The following PLXNA1 variants were observed in gnomAD, a reference collection of about 807,000 sequenced individuals.
The protein encoded by PLXNA1 is plexin A1, also known as plexin-A1.
A neutral mutation model predicts 191.7 loss-of-function variants in PLXNA1; 77 were observed. The ratio of observed to expected loss-of-function variants is 0.40; its 90% CI spans 0.33 to 0.49. The LOEUF (loss-of-function observed/expected upper bound fraction) is 0.49, where lower values mean the gene tolerates loss of function less well. PLXNA1 is among the 20% of genes least tolerant of loss of function. The probability of loss-of-function intolerance (pLI) is 0.63; values close to 1 mark genes in which losing one functional copy is unlikely to be tolerated. For missense variants in PLXNA1, 2,110 were observed against 2,660.2 expected (o/e 0.79, Z 4.55); for synonymous variants, 1,137 against 1,156.4 (o/e 0.98, Z 0.34).
chr3:126,988,506 C>A lies in PLXNA1; in HGVS notation c.-73-15C>A. 8.5e-7 allele frequency: 1 copy of A among 1,178,174 alleles called. No individual in the cohort carries two copies. The highest frequency in any genetic ancestry group is 1.2e-6 in the Non-Finnish European group (1 of 864,600). The allele number at this position is 1,178,174 out of a possible 1,614,324, so 73.0% of individuals were successfully genotyped here. A position where few individuals can be genotyped will look rare whatever the true frequency, so the allele number is the denominator to read the frequency against. On this transcript the variant is annotated splice_polypyrimidine_tract_variant and intron_variant, in intron 1 of 31. Coordinates refer to ENST00000393409, the MANE Select transcript of PLXNA1 (RefSeq NM_032242.4). ...CATGCCTGCATTCACATGCCCTCTTCTGCCCCTTCCCCAGGGCTGAAGCTC... is the reference window on the plus strand; with the variant it reads ...CATGCCTGCATTCACATGCCCTCTTATGCCCCTTCCCCAGGGCTGAAGCTC...
chr3:127,014,577 G>T lies in PLXNA1; in HGVS notation c.2704G>T (p.Val902Leu). The T allele has an allele frequency of 6.2e-7, 1 of 1,613,110 alleles. No individual in the cohort carries two copies. Among genetic ancestry groups the T allele is most frequent in the Non-Finnish European group, 8.5e-7 (1 of 1,179,882 alleles). The part of the protein sequence containing the change: ...RFEDVRLGVR[V>L]GKVLCSPVES... ...CGAAGACGTGCGTCTGGGCGTGCGC[G>T]TGGGCAAGGTGCTGTGCAGCCCTGT... Residue 902 changes from valine (V) to leucine (L), a missense_variant, in exon 13 of 32, where the codon GTG (valine) becomes TTG (leucine). Val to Leu is a conservative substitution (Grantham distance 32). Transcript: ENST00000393409.
rs2078974027 is a variant in PLXNA1, at chr3:126,988,752, C to T, written c.159C>T (p.His53=). The T allele has an allele frequency of 6.3e-7, 1 of 1,597,488 alleles. No homozygotes were observed. Among genetic ancestry groups the T allele is most frequent in the Non-Finnish European group, 8.5e-7 (1 of 1,170,466 alleles). Residue 53 remains histidine (H), a synonymous_variant, in exon 2 of 32, where the codon CAC becomes CAT. Coordinates refer to ENST00000393409, the MANE Select transcript of PLXNA1 (RefSeq NM_032242.4). ...TFSASDWGLT[H]LVVHEQTGEV... ...CGGCCAGCGACTGGGGCCTCACCCACCTAGTGGTGCATGAGCAGACAGGCG... is the reference window on the plus strand; with the variant it reads ...CGGCCAGCGACTGGGGCCTCACCCATCTAGTGGTGCATGAGCAGACAGGCG...
chr3:127,014,290 G>A lies in PLXNA1; in HGVS notation c.2519G>A (p.Arg840Gln), dbSNP rs762229287. Residue 840 changes from arginine (R) to glutamine (Q), a missense_variant, in exon 12 of 32, where the codon CGA (arginine) becomes CAA (glutamine). Transcript: ENST00000393409. ...GTGGCCGAGCGCCGCTGCTCCCTGC[G>A]ACACCACTGCGCTGCCGACACACCT... ...WCVAERRCSLRHHCAADTPAS... is the reference protein window; with the variant it reads ...WCVAERRCSLQHHCAADTPAS... The A allele has an allele frequency of 1.6e-5, 26 of 1,595,822 alleles. No homozygotes were observed. The highest frequency in any genetic ancestry group is 1.0e-4 in the South Asian group (9 of 89,620).
At position 127,028,707 on chromosome 3, in the gene PLXNA1, G is replaced by A. The variant is rs568009487; in HGVS notation, c.4670-286G>A. 45 of 543,500 alleles carry A rather than the reference G, an allele frequency of 8.3e-5. No individual in the cohort carries two copies. The Admixed American group carries it at 1.4e-3, about 17-fold the overall frequency. The allele number at this position is 543,500 out of a possible 1,614,324, so 33.7% of individuals were successfully genotyped here. On this transcript the variant is annotated intron_variant, in intron 25 of 31. Coordinates refer to ENST00000393409, the MANE Select transcript of PLXNA1 (RefSeq NM_032242.4). Reference sequence around the variant, plus strand: ...TGCTGCAGATGTGACTGGAGAGGCTGGGTCCCCACAGAAGCCTCGGTGCCA... The same window carrying A: ...TGCTGCAGATGTGACTGGAGAGGCTAGGTCCCCACAGAAGCCTCGGTGCCA...
rs759440943 is a variant in PLXNA1 at position 126,989,557 on chromosome 3, C to G, written c.964C>G (p.Arg322Gly). Residue 322 changes from arginine (R) to glycine (G), a missense_variant, in exon 2 of 32, where the codon CGT (arginine) becomes GGT (glycine). Around this residue, in one of 4 missense-constraint regions of PLXNA1, gnomAD observed 903 missense variants for 1,015.7 expected, o/e 0.89. Transcript: ENST00000393409. ...GGATGCCTACCTGAGCCGGCCCGGC[C>G]GTGCCCTGGCCCACCAGCTGGGCCT... Reference protein sequence around the residue: ...VQDAYLSRPGRALAHQLGLAE... With the variant: ...VQDAYLSRPGGALAHQLGLAE... 6.2e-7 allele frequency: 1 copy of G among 1,613,232 alleles called. No homozygotes were observed. The highest frequency in any genetic ancestry group is 8.5e-7 in the Non-Finnish European group (1 of 1,180,038).
At position 127,004,538 on chromosome 3, in the gene PLXNA1, G is replaced by A. The variant is rs945045885; in HGVS notation, c.1519-73G>A. 8 of 1,015,788 alleles carry A rather than the reference G, an allele frequency of 7.9e-6. No homozygotes were observed. In the African/African-American group the frequency reaches 1.3e-4, roughly 16 times the overall value. The allele number at this position is 1,015,788 out of a possible 1,614,324, so 62.9% of individuals were successfully genotyped here. The stretch of plus-strand genomic sequence containing the variant: ...CCCCGGGCCTAAGGAGAGCAGAGTA[G>A]GGAGTCAGAGGTGAGGATGGTCAAG... On this transcript the variant is annotated intron_variant, in intron 4 of 31. Transcript: ENST00000393409.
intron 20 of PLXNA1, among the ~76,000 whole-genome samples, chr3:127,019,551 G>T (rs2079142596): frequency 6.6e-6 from 1 of 152,208 alleles, no homozygotes; most frequent in Admixed American, 6.5e-5. Context: ...ATAACTAGAC[G>T]CCTGGCAGCG....
At chr3:127,033,006 C>G (rs2079220179) in intron 31 of PLXNA1, among the ~76,000 whole-genome samples, 170 bp downstream of exon 31, 1 of 152,230 alleles carries the variant, frequency 6.6e-6, no homozygotes, top group South Asian at 2.1e-4. Flanking sequence ...CAGGAGGGAG[C>G]CTGCCAGGCC....
chr3:127,008,225 G>A (rs1447274797), intron 9 of PLXNA1, among the ~76,000 whole-genome samples: 1 of 152,158 alleles, frequency 6.6e-6, no homozygotes, highest in Non-Finnish European at 1.5e-5. Flanking sequence ...CCTCTGTGTG[G>A]GGGCTGCAGA....
intron 3 of PLXNA1, among the ~76,000 whole-genome samples, chr3:126,997,914 G>C (rs192931317): frequency 6.6e-6 from 1 of 152,198 alleles, no homozygotes; most frequent in Non-Finnish European, 1.5e-5. Flanking sequence ...GTGTGTGCTC[G>C]GGCTCATGGC....
At chr3:127,033,145 T>C (rs913421474) in intron 31 of PLXNA1, among the ~76,000 whole-genome samples, 1 of 152,160 alleles carries the variant, frequency 6.6e-6, no homozygotes, top group Non-Finnish European at 1.5e-5. Context: ...GAGGGGCTCA[T>C]TTCAGGGTTT....
rs376907808 is a variant in PLXNA1, at chr3:127,015,326, G to A, written c.3014+6G>A. 5.0e-6 allele frequency: 8 copies of A among 1,596,608 alleles called. No homozygotes were observed. The highest frequency in any genetic ancestry group is 2.7e-5 in the African/African-American group (2 of 74,596). ...CGGCCCTGCTCCTTCTCCTGGTACG[G>A]GGTGCAGGTGGGGGTGGGGGCCTGG... On this transcript the variant is annotated splice_donor_region_variant and intron_variant, in intron 15 of 31. Coordinates refer to ENST00000393409, the MANE Select transcript of PLXNA1 (RefSeq NM_032242.4).
intron 2 of PLXNA1, 81 bp from the exon 3 acceptor site, chr3:126,991,303 A>C (rs1576669070): frequency 6.7e-7 from 1 of 1,502,220 alleles, no homozygotes; most frequent in Non-Finnish European, 9.1e-7. Flanking sequence ...AGACAACTGC[A>C]CTCCCAGCCC....
At chr3:127,000,928 C>G (rs1172971068) in intron 3 of PLXNA1, among the ~76,000 whole-genome samples, 1 of 152,186 alleles carries the variant, frequency 6.6e-6, no homozygotes, top group Non-Finnish European at 1.5e-5. Flanking sequence ...ATGGCCTCTC[C>G]TGGGGCTCTG....
rs955661672 is a variant in PLXNA1, at chr3:127,036,346, G to C, written c.*2329G>C. On this transcript the variant is annotated 3_prime_UTR_variant, in exon 32 of 32. Transcript: ENST00000393409. ...CCTTGTCCATGTGAGTAGCATGGGC[G>C]GGTGGTGGGGACGGCAGTGGTGATG... 1 of 152,680 alleles carries C rather than the reference G, an allele frequency of 6.5e-6. No homozygotes were observed. The highest frequency in any genetic ancestry group is 2.4e-5 in the African/African-American group (1 of 41,462). The allele number at this position is 152,680 out of a possible 1,614,324, so 9.5% of individuals were successfully genotyped here.
At chr3:127,022,062 C>G (rs370142090) in intron 21 of PLXNA1, 23 bp from the exon 22 acceptor site, 21 of 1,604,702 alleles carry the variant, frequency 1.3e-5, no homozygotes, top group African/African-American at 2.7e-5. Flanking sequence ...TCTCTGTGGT[C>G]TGAGCTCTGT....
intron 14 of PLXNA1, 84 bp downstream of exon 14, chr3:127,014,915 C>A: frequency 6.5e-7 from 1 of 1,531,356 alleles, no homozygotes; most frequent in Non-Finnish European, 8.8e-7. Flanking sequence ...CTTCAGGGCC[C>A]CTTGTCTGGC....
At chr3:126,999,388 C>T (rs1254737274) in intron 3 of PLXNA1, among the ~76,000 whole-genome samples, 2 of 152,226 alleles carry the variant, frequency 1.3e-5, no homozygotes, top group East Asian at 1.9e-4. Context: ...GGCAGCTCCA[C>T]AGGTGCATCC....
chr3:126,990,278 C>T (rs2078984015), intron 2 of PLXNA1, among the ~76,000 whole-genome samples: 1 of 152,248 alleles, frequency 6.6e-6, no homozygotes. Context: ...CCCCACATGA[C>T]CCTGGTGGCA....
Sources: gnomAD v4.1 joint callset for allele counts (sites outside exome capture counted in the v4.1 genomes callset) on GRCh38, gnomAD v4.1.1 for gene constraint, gnomAD v4.1.1 regional missense constraint, MANE v1.5 for transcripts, NCBI Gene and HGNC (gene_info 2026-07-23, HGNC 2026-07-21) for gene names.